The following PHACTR1 variants were observed in gnomAD, a reference collection of about 807,000 sequenced individuals.
PHACTR1 encodes phosphatase and actin regulator 1.
Under a neutral mutation model 69.2 loss-of-function variants are expected in PHACTR1, and 16 were observed. That is an observed-to-expected ratio of 0.23 (90% CI 0.16 to 0.35). The LOEUF (loss-of-function observed/expected upper bound fraction) is 0.35. Among genes scored for constraint, PHACTR1 ranks in the 10% least tolerant of loss-of-function variants. PHACTR1 has a pLI of 1.00. For missense variants in PHACTR1, 510 were observed against 734.7 expected, an observed-to-expected ratio of 0.69 and a Z score of 3.54; for synonymous variants, 312 against 284.5, an observed-to-expected ratio of 1.10 and a Z score of -0.97.
intron 5 of PHACTR1, among the ~76,000 whole-genome samples, chr6:13,064,111 A>G (rs1808122309): frequency 6.6e-6 from 1 of 152,156 alleles, no homozygotes; most frequent in Admixed American, 6.5e-5. Flanking sequence ...TATCACATCA[A>G]ATGGAATATT....
intron 5 of PHACTR1, among the ~76,000 whole-genome samples, chr6:13,083,190 A>G (rs2127802607): frequency 6.6e-6 from 1 of 152,310 alleles, no homozygotes; most frequent in South Asian, 2.1e-4. Context: ...AGCACCATTT[A>G]TTAAATAGGG....
intron 5 of PHACTR1, among the ~76,000 whole-genome samples, chr6:13,075,293 CA>C (rs1290528086): frequency 1.3e-5 from 2 of 152,130 alleles, no homozygotes; most frequent in Non-Finnish European, 2.9e-5. Flanking sequence ...AGAGGTTAAG[CA>C]ACTTGCCCCA....
intron 4 of PHACTR1, among the ~76,000 whole-genome samples, chr6:13,030,076 C>A (rs977733190): frequency 2.0e-5 from 3 of 152,218 alleles, no homozygotes; most frequent in Non-Finnish European, 4.4e-5. Context: ...CTGACCCTAG[C>A]ATATAGTAAG....
chr6:12,957,706 G>T, intron 4 of PHACTR1: 1 of 985,616 alleles, frequency 1.0e-6, no homozygotes, highest in Non-Finnish European at 1.2e-6. Flanking sequence ...TTAGAAAAGG[G>T]ATAAAATGGA....
chr6:13,052,750 A>T (rs1261718423), intron 4 of PHACTR1, among the ~76,000 whole-genome samples: 3 of 152,098 alleles, frequency 2.0e-5, no homozygotes, highest in Non-Finnish European at 4.4e-5. Context: ...GAAAAGAAAA[A>T]CTAGTGGAAT....
intron 5 of PHACTR1, among the ~76,000 whole-genome samples, chr6:13,090,237 G>C (rs112436491): frequency 0.03 from 4,484 of 148,296 alleles, 225 homozygotes; most frequent in African/African-American, 0.11. Flanking sequence ...TGTATTTTTA[G>C]TAGAGACAGG....
At chr6:13,196,434 T>A in intron 7 of PHACTR1, 1 of 169,520 alleles carries the variant, frequency 5.9e-6, no homozygotes, top group Non-Finnish European at 1.3e-5. Flanking sequence ...TTTTTTTTGT[T>A]TTTTGAGACA....
In PHACTR1 at chr6:13,247,384, C is replaced by A. The variant is rs1235680196; in HGVS notation, c.1391+17191C>A. Among the ~76,000 whole-genome samples the A allele has an allele frequency of 2.0e-5, 3 of 146,704 alleles. No individual in the cohort carries two copies. In the East Asian group the frequency reaches 6.0e-4, roughly 29 times the overall value. On this transcript the variant is annotated intron_variant, in intron 10 of 14. Transcript: ENST00000332995. ...GTGTGTGACGGAGTTTCATTTTTGT[C>A]CCCCAGGCTGGAGTACAGTGGTGCC... is the stretch of plus-strand genomic sequence containing the variant.
intron 10 of PHACTR1, among the ~76,000 whole-genome samples, chr6:13,256,475 A>T (rs188063651): frequency 6.6e-6 from 1 of 152,366 alleles, no homozygotes. Flanking sequence ...CCAAATGGCC[A>T]GGCTGCAAAG....
intron 4 of PHACTR1, among the ~76,000 whole-genome samples, chr6:12,980,877 A>G (rs1795451210): frequency 6.6e-6 from 1 of 152,214 alleles, no homozygotes; most frequent in Non-Finnish European, 1.5e-5. Flanking sequence ...TGCCTACACG[A>G]TGTCTTTAAA....
In PHACTR1 at chr6:13,114,103, C is replaced by T. The variant is rs144981060; in HGVS notation, c.416-46101C>T. On this transcript the variant is annotated intron_variant, in intron 5 of 14. Transcript: ENST00000332995. Reference sequence around the variant, plus strand: ...CACAGGTTGCTGGTGCTCCTTCATCCGTGGCTTCCCTGCCCCCCATTTCCC... The same window carrying T: ...CACAGGTTGCTGGTGCTCCTTCATCTGTGGCTTCCCTGCCCCCCATTTCCC... Among the ~76,000 whole-genome samples, 723 of 152,258 alleles carry T rather than the reference C, an allele frequency of 4.7e-3. 8 individuals are homozygous for T. The highest frequency in any genetic ancestry group is 0.015 in the African/African-American group (629 of 41,552).
intron 8 of PHACTR1, among the ~76,000 whole-genome samples, chr6:13,207,821 A>C (rs1266430963): frequency 1.3e-5 from 2 of 151,892 alleles, no homozygotes; most frequent in East Asian, 3.9e-4. Context: ...GGCAGTATGG[A>C]GGTCCCAGCG....
chr6:13,089,208 G>A (rs1812806923), intron 5 of PHACTR1, among the ~76,000 whole-genome samples: 2 of 152,062 alleles, frequency 1.3e-5, no homozygotes, highest in South Asian at 4.1e-4. Flanking sequence ...TCCACCACAA[G>A]AAGCCCCTGG....
chr6:12,793,246 C>T (rs961360241), intron 4 of PHACTR1, among the ~76,000 whole-genome samples: 1 of 152,172 alleles, frequency 6.6e-6, no homozygotes, highest in South Asian at 2.1e-4. Context: ...CAACCCCTCC[C>T]GCTAGTAGCG....
In PHACTR1 at chr6:13,283,680, A is replaced by G; in HGVS notation, c.1650+118A>G. ...GCCAGGCCTCAGCCGCAGTCCCCAT[A>G]ATGGAGTGTTGAGACCCCAACACCT... On this transcript the variant is annotated intron_variant, in intron 13 of 14. Transcript: ENST00000332995. This position sits in a 1 kb window ranked among gnomAD's most constrained non-coding sequence, Gnocchi z 4.7. The G allele has an allele frequency of 1.3e-6, 2 of 1,496,116 alleles. No individual in the cohort carries two copies. The highest frequency in any genetic ancestry group is 1.8e-6 in the Non-Finnish European group (2 of 1,084,862). 92.7% of individuals were successfully genotyped at this position (1,496,116 alleles called of 1,614,324 possible). A position where few individuals can be genotyped will look rare whatever the true frequency, so the allele number is the denominator to read the frequency against.
At chr6:13,254,979 A>G (rs1774978609) in intron 10 of PHACTR1, among the ~76,000 whole-genome samples, 2 of 152,262 alleles carry the variant, frequency 1.3e-5, no homozygotes, top group African/African-American at 4.8e-5. Flanking sequence ...ACATCTCTGT[A>G]TTAGTCCATT....
intron 10 of PHACTR1, among the ~76,000 whole-genome samples, chr6:13,232,721 C>A (rs947241354): frequency 6.6e-6 from 1 of 152,082 alleles, no homozygotes; most frequent in Admixed American, 6.5e-5. Context: ...CAATCTCTCT[C>A]AGGTTACATA....
At chr6:13,141,429 A>T (rs1822415741) in intron 5 of PHACTR1, among the ~76,000 whole-genome samples, 1 of 152,256 alleles carries the variant, frequency 6.6e-6, no homozygotes, top group African/African-American at 2.4e-5. Context: ...TGAATTAAGG[A>T]TTGCCTGTTC....
At chr6:12,862,487 A>T (rs1323417402) in intron 4 of PHACTR1, among the ~76,000 whole-genome samples, 1 of 152,148 alleles carries the variant, frequency 6.6e-6, no homozygotes, top group Non-Finnish European at 1.5e-5. Flanking sequence ...ACACTGGGGG[A>T]TGGCTCTTAT....
Sources: allele counts gnomAD v4.1 joint callset (sites outside exome capture counted in the v4.1 genomes callset), GRCh38; gene constraint gnomAD v4.1.1; non-coding constraint Gnocchi (gnomAD v3.1); transcripts MANE v1.5; gene names NCBI Gene and HGNC (gene_info 2026-07-23, HGNC 2026-07-21).